The following RAD51C variants were observed in gnomAD, a reference collection of about 807,000 sequenced individuals.
RAD51C encodes the protein RAD51 paralog C.
RAD51C carries 42 observed loss-of-function variants against 45.0 expected under a neutral mutation model. The ratio of observed to expected loss-of-function variants is 0.93; its 90% CI spans 0.73 to 1.21. RAD51C has a LOEUF of 1.21. Ranked by LOEUF, RAD51C falls within the 50% of genes most tolerant of loss-of-function variation. The pLI, the probability that RAD51C is intolerant of heterozygous loss-of-function variation, is 0.00. For missense variants in RAD51C, 474 were observed against 452.2 expected (o/e 1.05, Z -0.44); for synonymous variants, 172 against 159.8 (o/e 1.08, Z -0.58).
At chr17:58,718,913 G>A (rs1169970694) in intron 5 of RAD51C, among the ~76,000 whole-genome samples, 1 of 152,056 alleles carries the variant, frequency 6.6e-6, no homozygotes, top group Non-Finnish European at 1.5e-5. Context: ...ATTCTAGGGA[G>A]GCAATAGTGA....
At chr17:58,717,082 A>G (rs2048766893) in intron 5 of RAD51C, among the ~76,000 whole-genome samples, 1 of 146,172 alleles carries the variant, frequency 6.8e-6, no homozygotes, top group African/African-American at 2.5e-5. Context: ...TACAGTCGTG[A>G]GCCACCGCAC....
At chr17:58,729,354 A>T (rs2049311931) in intron 7 of RAD51C, among the ~76,000 whole-genome samples, 1 of 151,652 alleles carries the variant, frequency 6.6e-6, no homozygotes, top group Admixed American at 6.6e-5. Flanking sequence ...AGTAGCTGGG[A>T]TTACAGGCAT....
chr17:58,701,051 C>T (rs2048195553), intron 3 of RAD51C, among the ~76,000 whole-genome samples: 1 of 152,092 alleles, frequency 6.6e-6, no homozygotes, highest in Non-Finnish European at 1.5e-5. Flanking sequence ...GTGGGCACTA[C>T]CATGCCCAGC....
chr17:58,713,854 A>G (rs1395869819), intron 5 of RAD51C, among the ~76,000 whole-genome samples: 2 of 151,850 alleles, frequency 1.3e-5, no homozygotes, highest in Non-Finnish European at 2.9e-5. Context: ...AGGTCTCACT[A>G]TGTTGCCTAG....
At chr17:58,708,191 C>T (rs1018156708) in intron 4 of RAD51C, among the ~76,000 whole-genome samples, 2 of 152,084 alleles carry the variant, frequency 1.3e-5, no homozygotes, top group African/African-American at 4.8e-5. Context: ...AACAAGTGTC[C>T]TTTTCACAGT....
intron 8 of RAD51C, 186 bp downstream of exon 8, chr17:58,732,730 G>A: frequency 1.7e-6 from 1 of 604,010 alleles, no homozygotes. Context: ...CAAATGGACT[G>A]AAATTTATTC....
chr17:58,718,256 C>T (rs1180867364), intron 5 of RAD51C, among the ~76,000 whole-genome samples: 2 of 152,106 alleles, frequency 1.3e-5, no homozygotes, highest in Non-Finnish European at 2.9e-5. Flanking sequence ...CCTCGGCCTC[C>T]CAAAGTGCTG....
rs28363328 is a variant in RAD51C, at chr17:58,731,941, A to C, written c.966-543A>C. Among the ~76,000 whole-genome samples, 867 of 152,218 alleles carry C rather than the reference A, an allele frequency of 5.7e-3. 5 individuals carry two copies. Among genetic ancestry groups the C allele is most frequent in the African/African-American group, 9.2e-3 (381 of 41,514 alleles). On this transcript the variant is annotated intron_variant, in intron 7 of 8. Transcript: ENST00000337432. ...ATTTTTATTGGGTGTAATATGAGTA[A>C]GTGTTTCTCATTTGTAGTATAAGAA... is the stretch of plus-strand genomic sequence containing the variant.
chr17:58,704,393 C>T (rs1309110660), intron 4 of RAD51C, among the ~76,000 whole-genome samples: 1 of 152,034 alleles, frequency 6.6e-6, no homozygotes, highest in Non-Finnish European at 1.5e-5. Context: ...CTGCCTCAGC[C>T]TCCCAAGTAG....
intron 4 of RAD51C, among the ~76,000 whole-genome samples, chr17:58,705,210 C>G (rs2048337895): frequency 6.6e-6 from 1 of 151,924 alleles, no homozygotes; most frequent in South Asian, 2.1e-4. Context: ...AGTTCAAGAT[C>G]AAAGTTCTAG....
intron 3 of RAD51C, among the ~76,000 whole-genome samples, chr17:58,700,434 T>C (rs2048173505): frequency 6.6e-6 from 1 of 152,066 alleles, no homozygotes; most frequent in South Asian, 2.1e-4. Flanking sequence ...GTTTTTATTT[T>C]TATTTTAATT....
chr17:58,709,661 C>T (rs1567799232), intron 4 of RAD51C, 198 bp from the exon 5 acceptor site: 1 of 496,586 alleles, frequency 2.0e-6, no homozygotes, highest in Non-Finnish European at 3.5e-6. Context: ...TTTGTTTCTT[C>T]ATTTAGCAAG....
Position 58,734,588 on chromosome 17 carries a change from GTTTTTTTT to G in RAD51C, c.*382_*389del, listed in dbSNP as rs34517797. On this transcript the variant is annotated 3_prime_UTR_variant, in exon 9 of 9. Transcript: ENST00000337432. ...AAGAAACATATCATATTCTTATTGT[GTTTTTTTT>G]TTTTTTTTTTTTTTTGGAGATGGAT... The G allele has an allele frequency of 2.0e-5, 2 of 101,144 alleles. No homozygotes were observed. The highest frequency in any genetic ancestry group is 2.0e-4 in the South Asian group (1 of 5,110). 6.3% of individuals were successfully genotyped at this position (101,144 alleles called of 1,614,324 possible). A position where few individuals can be genotyped will look rare whatever the true frequency, so the allele number is the denominator to read the frequency against.
chr17:58,731,421 G>A (rs1243405351), intron 7 of RAD51C, among the ~76,000 whole-genome samples: 5 of 151,968 alleles, frequency 3.3e-5, no homozygotes, highest in East Asian at 1.9e-4. Context: ...CACCACACCC[G>A]GCTAATTTTG....
intron 7 of RAD51C, among the ~76,000 whole-genome samples, chr17:58,729,990 T>G (rs977963930): frequency 3.9e-5 from 6 of 152,096 alleles, no homozygotes; most frequent in Admixed American, 1.3e-4. Flanking sequence ...ATGAGGTGAT[T>G]TAGATACCAA....
Position 58,692,703 on chromosome 17 carries a change from T to C in RAD51C, c.60T>C (p.Ser20=). The C allele has an allele frequency of 6.2e-7, 1 of 1,614,222 alleles. No individual in the cohort carries two copies. Among genetic ancestry groups the C allele is most frequent in the Non-Finnish European group, 8.5e-7 (1 of 1,180,038 alleles). The change falls in exon 1 of 9, where the codon TCT becomes TCC. Residue 20 remains serine, a synonymous_variant. Transcript: ENST00000337432. ...GGGATTTGGTGAGTTTCCCGCTGTC[T>C]CCAGCGGTGCGGGTGAAGCTGGTGT... ...MQRDLVSFPL[S]PAVRVKLVSA...
chr17:58,707,997 A>G (rs777940564), intron 4 of RAD51C, among the ~76,000 whole-genome samples: 5 of 152,036 alleles, frequency 3.3e-5, no homozygotes, highest in African/African-American at 1.2e-4. Flanking sequence ...GTTAATTACT[A>G]CCTTAGAGGC....
At chr17:58,710,910 G>A (rs2048536692) in intron 5 of RAD51C, among the ~76,000 whole-genome samples, 1 of 152,080 alleles carries the variant, frequency 6.6e-6, no homozygotes, top group South Asian at 2.1e-4. Flanking sequence ...AAGATGTAAG[G>A]TCAAACTGCT....
In RAD51C at chr17:58,703,325, C is replaced by A; in HGVS notation, c.701C>A (p.Ser234Ter). Residue 234 changes from serine (S) to a stop codon, truncating the protein, a stop_gained, in exon 4 of 9, where the codon TCA becomes TAA. Transcript: ENST00000337432. LOFTEE classifies it high-confidence loss of function. ...YLLPDFLSEHSKVRLVIVDGI... is the reference protein window; with the variant it reads ...YLLPDFLSEH The stretch of plus-strand genomic sequence containing the variant: ...CTTCCAGATTTCCTTTCAGAACACT[C>A]AAAGGTATGAGTCAGACTACTGAAA... 6.2e-7 allele frequency: 1 copy of A among 1,611,700 alleles called. No individual in the cohort carries two copies. The highest frequency in any genetic ancestry group is 8.5e-7 in the Non-Finnish European group (1 of 1,178,232).
Sources: allele counts gnomAD v4.1 joint callset (sites outside exome capture counted in the v4.1 genomes callset), GRCh38; gene constraint gnomAD v4.1.1; transcripts MANE v1.5; gene names NCBI Gene and HGNC (gene_info 2026-07-23, HGNC 2026-07-21).